The following SLC26A5 variants were observed in gnomAD, a reference collection of about 807,000 sequenced individuals.
SLC26A5 encodes solute carrier family 26 member 5.
A neutral mutation model predicts 81.0 loss-of-function variants in SLC26A5; 51 were observed. The ratio of observed to expected loss-of-function variants is 0.63; its 90% confidence interval spans 0.50 to 0.80. SLC26A5 has a LOEUF of 0.80. SLC26A5 is among the 30% of genes least tolerant of loss of function. The pLI is 0.00. For synonymous variants in SLC26A5, 325 were observed against 332.8 expected, an observed-to-expected ratio of 0.98 and a Z score of 0.25; for missense variants, 771 against 905.8, an observed-to-expected ratio of 0.85 and a Z score of 1.91.
downstream of SLC26A5, among the ~76,000 whole-genome samples, chr7:103,373,575 G>A (rs982761235): frequency 7.9e-5 from 12 of 152,202 alleles, no homozygotes; most frequent in Non-Finnish European, 1.5e-5. Flanking sequence ...TAAAATAGAT[G>A]TAAGGGACTT....
At chr7:103,361,529 A>AAAAAG (rs1563491940) in intron 19 of SLC26A5, among the ~76,000 whole-genome samples, 2 of 151,240 alleles carry the variant, frequency 1.3e-5, no homozygotes, top group Non-Finnish European at 3.0e-5. Flanking sequence ...AAAAAAAAAA[A>AAAAAG]AAAAGAAAAA....
chr7:103,429,611 C>T (rs1382278159), intron 2 of SLC26A5, among the ~76,000 whole-genome samples: 1 of 152,174 alleles, frequency 6.6e-6, no homozygotes, highest in Non-Finnish European at 1.5e-5. Context: ...TAGCAATAAC[C>T]AGAATATATT....
rs534414103 is a variant in SLC26A5 at position 103,367,260 on chromosome 7, A to G, written c.2041+9548T>C. Among the ~76,000 whole-genome samples, 4 of 152,338 alleles carry G rather than the reference A, an allele frequency of 2.6e-5. No individual in the cohort carries two copies. In the South Asian group the frequency reaches 8.3e-4, roughly 32 times the overall value. On this transcript the variant is annotated intron_variant, in intron 19 of 19. Transcript: ENST00000339444. This position sits in a 1 kb window ranked among gnomAD's most constrained non-coding sequence, Gnocchi z 6.1. ...ATTCACTTTCTAATTAGTTTTATAT[A>G]AAGCAAGCTGTTCTTACAGGATTTG... is the stretch of plus-strand genomic sequence containing the variant.
Position 103,374,591 on chromosome 7 carries a change from T to G in SLC26A5, c.2043A>C (p.Ala681=). ...GIYVYLAGCS[A]QVVNDLTRNR... ...TCCGAGTGAGGTCATTCACAACTTG[T>G]GCTATTAAAAGAAGAAAAGAAAATT... Residue 681 remains alanine, a splice_region_variant and synonymous_variant, in exon 20 of 20, where the codon GCA becomes GCC. Coordinates refer to ENST00000306312, the MANE Select transcript of SLC26A5 (RefSeq NM_198999.3). 6.2e-7 allele frequency: 1 copy of G among 1,613,684 alleles called. No homozygotes were observed.
At chr7:103,368,900 A>G (rs1464488879) in intron 19 of SLC26A5, 2 of 138,800 alleles carry the variant, frequency 1.4e-5, no homozygotes, top group African/African-American at 2.7e-5. Context: ...AGGTATTTTA[A>G]AAATAAAGGT....
chr7:103,403,353 T>C (rs1390015695), intron 8 of SLC26A5, among the ~76,000 whole-genome samples: 3 of 152,208 alleles, frequency 2.0e-5, no homozygotes, highest in Non-Finnish European at 4.4e-5. Flanking sequence ...TCTGTTGATT[T>C]GGGGTGAAGA....
At chr7:103,395,237 A>G (rs904349999) in intron 9 of SLC26A5, among the ~76,000 whole-genome samples, 4 of 150,698 alleles carry the variant, frequency 2.7e-5, no homozygotes, top group African/African-American at 9.7e-5. Flanking sequence ...AAATGGTATG[A>G]TTGTATGTAG....
intron 2 of SLC26A5, among the ~76,000 whole-genome samples, chr7:103,425,445 G>C (rs1337507193): frequency 1.3e-5 from 2 of 152,150 alleles, no homozygotes; most frequent in South Asian, 2.1e-4. Context: ...AGTTCAAGTT[G>C]AGAAGCACTG....
At chr7:103,438,426 C>T (rs930326729) in intron 2 of SLC26A5, among the ~76,000 whole-genome samples, 24 of 149,380 alleles carry the variant, frequency 1.6e-4, no homozygotes, top group African/African-American at 5.5e-4. Flanking sequence ...GCTCTCGACT[C>T]ACTGCAACCT....
intron 2 of SLC26A5, among the ~76,000 whole-genome samples, chr7:103,428,558 C>CTTTTTT (rs10592922): frequency 1.7e-5 from 2 of 118,086 alleles, no homozygotes. Context: ...CCTGCCAGTA[C>CTTTTTT]TTTTTTTTTT....
chr7:103,354,099 C>T, intron 19 of SLC26A5: 1 of 665,936 alleles, frequency 1.5e-6, no homozygotes, highest in Non-Finnish European at 2.4e-6. Context: ...TAAAAAGAAA[C>T]AATTAGAAAA....
rs374740313 is a variant in SLC26A5 at position 103,427,611 on chromosome 7, C to G, written c.-53-6044G>C. Among the ~76,000 whole-genome samples, 5 of 152,226 alleles carry G rather than the reference C, an allele frequency of 3.3e-5. No homozygotes were observed. The East Asian group carries it at 9.7e-4, about 29-fold the overall frequency. On this transcript the variant is annotated intron_variant, in intron 2 of 19. Coordinates refer to ENST00000306312, the MANE Select transcript of SLC26A5 (RefSeq NM_198999.3). Reference sequence around the variant, plus strand: ...AACAAAATGGTAACAACATTTTAAACTTCAGACTAAGAGCCAAAGTCAGCT... The same window carrying G: ...AACAAAATGGTAACAACATTTTAAAGTTCAGACTAAGAGCCAAAGTCAGCT...
intron 2 of SLC26A5, among the ~76,000 whole-genome samples, chr7:103,437,135 A>G (rs1222094155): frequency 6.6e-6 from 1 of 152,252 alleles, no homozygotes; most frequent in African/African-American, 2.4e-5. Flanking sequence ...GGACCAGAAT[A>G]GATATTTCTC....
chr7:103,363,449 T>C, intron 19 of SLC26A5: 1 of 1,595,884 alleles, frequency 6.3e-7, no homozygotes, highest in Non-Finnish European at 8.6e-7. Context: ...TGTAAGTAGC[T>C]GAGTGTTGTA....
chr7:103,444,641 G>A (rs6465921), intron 1 of SLC26A5, among the ~76,000 whole-genome samples: 59,128 of 152,140 alleles, frequency 0.39, 15,589 homozygotes, highest in African/African-American at 0.74. Context: ...ATAAATTAAT[G>A]AGGAACGTGT....
At chr7:103,444,110 A>G (rs1348335785) in intron 1 of SLC26A5, among the ~76,000 whole-genome samples, 1 of 152,238 alleles carries the variant, frequency 6.6e-6, no homozygotes, top group Non-Finnish European at 1.5e-5. Context: ...CTTCAAAAGA[A>G]GGATTAAAAG....
chr7:103,376,991 G>T (rs1052560673), intron 18 of SLC26A5, 129 bp from the exon 19 acceptor site: 4 of 656,320 alleles, frequency 6.1e-6, no homozygotes, highest in African/African-American at 5.5e-5. Flanking sequence ...CTTCAATAAT[G>T]ATGTATTTTT....
intron 2 of SLC26A5, among the ~76,000 whole-genome samples, chr7:103,422,196 C>G (rs971530015): frequency 1.8e-4 from 28 of 152,082 alleles, no homozygotes; most frequent in African/African-American, 6.5e-4. Context: ...CACAGTGATA[C>G]CACTTATATG....
intron 2 of SLC26A5, among the ~76,000 whole-genome samples, chr7:103,440,961 G>A (rs577244628): frequency 6.6e-6 from 1 of 152,292 alleles, no homozygotes; most frequent in South Asian, 2.1e-4. Flanking sequence ...CCTGGAGACA[G>A]CACTGCATGC....
Sources: gnomAD v4.1 joint callset for allele counts (sites outside exome capture counted in the v4.1 genomes callset) on GRCh38, gnomAD v4.1.1 for gene constraint, Gnocchi (gnomAD v3.1) non-coding constraint, MANE v1.5 for transcripts, NCBI Gene and HGNC (gene_info 2026-07-23, HGNC 2026-07-21) for gene names.